Variants in SLC35F5 observed in about 807,000 individuals in gnomAD.
SLC35F5 encodes HCV NS5A-transactivated protein 3.
Under a neutral mutation model 68.6 loss-of-function variants are expected in SLC35F5, and 54 were observed. That is an observed-to-expected ratio of 0.79 (90% CI 0.63 to 0.99). The LOEUF (loss-of-function observed/expected upper bound fraction) is 0.99. Ranked by LOEUF, SLC35F5 falls within the 50% of genes least tolerant of loss-of-function variation. The pLI is 0.00. For synonymous variants in SLC35F5, 211 were observed against 205.2 expected (o/e 1.03, Z -0.24); for missense variants, 567 against 626.9 (o/e 0.90, Z 1.02).
chr2:113,747,027 C>G (rs1183612734), intron 4 of SLC35F5, among the ~76,000 whole-genome samples: 1 of 151,928 alleles, frequency 6.6e-6, no homozygotes, highest in African/African-American at 2.4e-5. Flanking sequence ...TGGCTCACAC[C>G]TGTAATCCCG....
chr2:113,739,180 A>G (rs941786557), intron 7 of SLC35F5, among the ~76,000 whole-genome samples: 1 of 151,322 alleles, frequency 6.6e-6, no homozygotes, highest in Non-Finnish European at 1.5e-5. Context: ...CCCCAAAGGT[A>G]TCAAAATCCA....
intron 9 of SLC35F5, among the ~76,000 whole-genome samples, chr2:113,732,858 G>A: frequency 6.6e-6 from 1 of 152,106 alleles, no homozygotes; most frequent in South Asian, 2.1e-4. Context: ...GAAATGTAAG[G>A]AACTTGTTCA....
At chr2:113,705,958 A>C (rs1006900908), downstream of SLC35F5, among the ~76,000 whole-genome samples, 2 of 152,224 alleles carry the variant, frequency 1.3e-5, no homozygotes, top group Non-Finnish European at 2.9e-5. Context: ...AGGGATTCGA[A>C]ATACTAGTCC....
downstream of SLC35F5, chr2:113,705,578 A>T (rs1686779359): frequency 6.6e-6 from 1 of 152,070 alleles, no homozygotes; most frequent in African/African-American, 2.4e-5. Context: ...GTGATTAGTG[A>T]ACTGATTTTA....
chr2:113,754,108 G>T (rs1359297478), intron 3 of SLC35F5, among the ~76,000 whole-genome samples: 2 of 151,948 alleles, frequency 1.3e-5, no homozygotes, highest in Admixed American at 6.6e-5. Context: ...TGACCAACAT[G>T]GTGAAACCCC....
rs575618503 is a variant in SLC35F5 at position 113,707,377 on chromosome 2, A to G, written c.*7841T>C. ...AATATACAAATCACAGTATGCTGACACTAGATAACTTCAGCTTTATTTGCC... is the reference window on the plus strand; with the variant it reads ...AATATACAAATCACAGTATGCTGACGCTAGATAACTTCAGCTTTATTTGCC... On this transcript the variant is annotated 3_prime_UTR_variant, in exon 16 of 16. Transcript: ENST00000245680. Among the ~76,000 whole-genome samples the G allele has an allele frequency of 8.5e-5, 13 of 152,306 alleles. No homozygotes were observed. In the East Asian group the frequency reaches 2.5e-3, roughly 29 times the overall value.
At position 113,755,191 on chromosome 2, in the gene SLC35F5, A is replaced by T; in HGVS notation, c.247T>A (p.Trp83Arg). 1 of 1,614,130 alleles carries T rather than the reference A, an allele frequency of 6.2e-7. No homozygotes were observed. The highest frequency in any genetic ancestry group is 8.5e-7 in the Non-Finnish European group (1 of 1,180,022). Residue 83 changes from tryptophan (W) to arginine (R), a missense_variant, in exon 3 of 16, where the codon TGG becomes AGG. Coordinates refer to ENST00000245680, the MANE Select transcript of SLC35F5 (RefSeq NM_025181.5). ...IVILLLVDVI[W>R]VASSELTSYV... ...GAAGTAAGTTCAGAGGAAGCAACCCATATCACATCAACAAGCAGAAGAATA... is the reference window on the plus strand; with the variant it reads ...GAAGTAAGTTCAGAGGAAGCAACCCTTATCACATCAACAAGCAGAAGAATA...
intron 4 of SLC35F5, among the ~76,000 whole-genome samples, chr2:113,748,395 G>C (rs1676599090): frequency 6.6e-6 from 1 of 151,984 alleles, no homozygotes; most frequent in Admixed American, 6.6e-5. Context: ...TCAAACTCCT[G>C]GCCTCAAGTG....
intron 4 of SLC35F5, among the ~76,000 whole-genome samples, chr2:113,749,899 A>C (rs1298568329): frequency 1.3e-5 from 2 of 152,164 alleles, no homozygotes; most frequent in Non-Finnish European, 1.5e-5. Context: ...TCTATAAGGA[A>C]GATATATCAT....
intron 6 of SLC35F5, 152 bp downstream of exon 6, chr2:113,743,561 C>G: frequency 1.8e-6 from 1 of 545,808 alleles, no homozygotes; most frequent in South Asian, 3.5e-5. Flanking sequence ...ATATTAGATT[C>G]ACAATCCAGT....
chr2:113,736,826 G>A (rs1177676591), intron 7 of SLC35F5, among the ~76,000 whole-genome samples: 1 of 152,182 alleles, frequency 6.6e-6, no homozygotes, highest in African/African-American at 2.4e-5. Context: ...CACTTATCTA[G>A]GTTAGGATGG....
intron 11 of SLC35F5, among the ~76,000 whole-genome samples, chr2:113,726,529 T>G (rs1481428925): frequency 6.6e-6 from 1 of 152,166 alleles, no homozygotes; most frequent in Non-Finnish European, 1.5e-5. Flanking sequence ...TAATTGATAC[T>G]TACTATGTCA....
At chr2:113,753,289 C>T (rs1676831928) in intron 3 of SLC35F5, among the ~76,000 whole-genome samples, 2 of 147,946 alleles carry the variant, frequency 1.4e-5, no homozygotes, top group African/African-American at 5.0e-5. Flanking sequence ...AGCGATTCTC[C>T]TGCCTCAGCC....
chr2:113,709,631 A>T lies in SLC35F5; in HGVS notation c.*5587T>A, dbSNP rs1686912171. Among the ~76,000 whole-genome samples, 1 of 152,222 alleles carries T rather than the reference A, an allele frequency of 6.6e-6. No homozygotes were observed. Among genetic ancestry groups the T allele is most frequent in the Non-Finnish European group, 1.5e-5 (1 of 68,048 alleles). On this transcript the variant is annotated 3_prime_UTR_variant, in exon 16 of 16. Transcript: ENST00000245680. Reference sequence around the variant, plus strand: ...AATAAATTCACTAATGAGGAACAGAAGGAATCCAACGTCAGAGTTAGTGCT... The same window carrying T: ...AATAAATTCACTAATGAGGAACAGATGGAATCCAACGTCAGAGTTAGTGCT...
chr2:113,755,898 ACT>A (rs1676965222), intron 1 of SLC35F5: 5 of 1,550,542 alleles, frequency 3.2e-6, no homozygotes, highest in African/African-American at 1.4e-5. Flanking sequence ...GCGTCTAGAC[ACT>A]GTTTCTAAAA....
In SLC35F5 at chr2:113,713,253, T is replaced by C. The variant is rs1352490110; in HGVS notation, c.*1965A>G. 6.6e-6 allele frequency: 1 copy of C among 152,210 alleles called. No homozygotes were observed. 9.4% of individuals were successfully genotyped at this position (152,210 alleles called of 1,614,324 possible). A position where few individuals can be genotyped will look rare whatever the true frequency, so the allele number is the denominator to read the frequency against. ...TTTAAGAAACAGAAAAGCAGCAGTA[T>C]AATGAAAGAAGATTGGCTGAAGATC... On this transcript the variant is annotated 3_prime_UTR_variant, in exon 16 of 16. Transcript: ENST00000245680.
In SLC35F5 at chr2:113,711,506, G is replaced by A. The variant is rs1686980785; in HGVS notation, c.*3712C>T. On this transcript the variant is annotated 3_prime_UTR_variant, in exon 16 of 16. Transcript: ENST00000245680. Reference sequence around the variant, plus strand: ...AGTTATTGTACAGGCAAATGAGGCTGTTACTATAAAAAAAATGTGGTGTCT... The same window carrying A: ...AGTTATTGTACAGGCAAATGAGGCTATTACTATAAAAAAAATGTGGTGTCT... 7.0e-6 allele frequency among the ~76,000 whole-genome samples: 1 copy of A among 142,974 alleles called. No homozygotes were observed. Among genetic ancestry groups the A allele is most frequent in the Non-Finnish European group, 1.6e-5 (1 of 62,926 alleles). The allele number at this position is 142,974 out of a possible 152,430, so 93.8% of individuals were successfully genotyped here. A position where few individuals can be genotyped will look rare whatever the true frequency, so the allele number is the denominator to read the frequency against.
chr2:113,735,125 G>A (rs1216804466), intron 8 of SLC35F5, among the ~76,000 whole-genome samples: 1 of 152,094 alleles, frequency 6.6e-6, no homozygotes, highest in Non-Finnish European at 1.5e-5. Context: ...TTAGCCAAAG[G>A]GTCTAGAAAA....
chr2:113,735,651 A>G, intron 8 of SLC35F5, 126 bp downstream of exon 8: 1 of 577,906 alleles, frequency 1.7e-6, no homozygotes. Flanking sequence ...GTTGTAATAG[A>G]CTAATGTATA....
Sources: gnomAD v4.1 joint callset for allele counts (sites outside exome capture counted in the v4.1 genomes callset) on GRCh38, gnomAD v4.1.1 for gene constraint, MANE v1.5 for transcripts, NCBI Gene and HGNC (gene_info 2026-07-23, HGNC 2026-07-21) for gene names.